Variants in CDKN2A observed in about 807,000 individuals in gnomAD.
CDKN2A encodes cyclin dependent kinase inhibitor 2A.
A neutral mutation model predicts 11.1 loss-of-function variants in CDKN2A; 3 were observed. That is an observed-to-expected ratio of 0.27 (90% CI 0.12 to 0.70). The LOEUF (loss-of-function observed/expected upper bound fraction) is 0.70. Ranked by LOEUF, CDKN2A falls within the 30% of genes least tolerant of loss-of-function variation. CDKN2A has a pLI of 0.77. For synonymous variants in CDKN2A, 122 were observed against 108.1 expected (o/e 1.13, Z -0.80); for missense variants, 265 against 233.6 (o/e 1.13, Z -0.88).
In CDKN2A at chr9:21,971,148, TG is replaced by T; in HGVS notation, c.210del (p.Asn71ThrfsTer75). 1 of 1,594,218 alleles carries T rather than the reference TG, an allele frequency of 6.3e-7. No homozygotes were observed. The highest frequency in any genetic ancestry group is 8.5e-7 in the Non-Finnish European group (1 of 1,176,654). ...AELLLLHGAE[P>X]NCADPATLTR... ...GTGAGAGTGGCGGGGTCGGCGCAGT[TG>T]GGCTCCGCGCCGTGGAGCAGCAGCA... is the stretch of plus-strand genomic sequence containing the variant. On this transcript the variant is annotated frameshift_variant, in exon 2 of 3. Transcript: ENST00000304494. LOFTEE classifies it high-confidence loss of function.
rs527378217 is a variant in CDKN2A at position 21,991,220 on chromosome 9, G to C, written c.-4+2662C>G. Among the ~76,000 whole-genome samples the C allele has an allele frequency of 3.9e-5, 6 of 152,226 alleles. No homozygotes were observed. Among genetic ancestry groups the C allele is most frequent in the Admixed American group, 3.9e-4 (6 of 15,294 alleles). On this transcript the variant is annotated intron_variant, in intron 2 of 3. Transcript: ENST00000494262. The surrounding 1 kb of genome is among the most constrained non-coding windows in gnomAD (Gnocchi z 5.2). ...GCAAGCTTGTCCAACCTGTGGGCCC[G>C]AGGGTCACATGCAGCCCAGGATGGT...
At chr9:21,986,148 C>T (rs1264913780) in intron 2 of CDKN2A, among the ~76,000 whole-genome samples, 1 of 151,970 alleles carries the variant, frequency 6.6e-6, no homozygotes, top group Non-Finnish European at 1.5e-5. Context: ...ACCATGACAG[C>T]TAATAAGCAA....
chr9:21,975,187 C>G (rs904012710), upstream of CDKN2A: 11 of 1,128,514 alleles, frequency 9.7e-6, no homozygotes, highest in African/African-American at 1.6e-5. Flanking sequence ...ACCTGCCCCC[C>G]ACACCGCCCT....
At chr9:21,994,503 C>A (rs530908133) in intron 1 of CDKN2A, 9 of 1,418,200 alleles carry the variant, frequency 6.3e-6, no homozygotes, top group Non-Finnish European at 7.4e-6. Flanking sequence ...GCCCGCCCCC[C>A]ACCTTCACCC....
At chr9:21,970,779 T>C in intron 2 of CDKN2A, 123 bp downstream of exon 2, 1 of 1,233,070 alleles carries the variant, frequency 8.1e-7, no homozygotes, top group Non-Finnish European at 1.2e-6. Flanking sequence ...TCCCACCGAT[T>C]GGCGCGTGAG....
chr9:21,968,545 G>A lies in CDKN2A; in HGVS notation c.458-303C>T, dbSNP rs577859730. 4 of 1,454,034 alleles carry A rather than the reference G, an allele frequency of 2.8e-6. No individual in the cohort carries two copies. The East Asian group carries it at 9.9e-5, about 36-fold the overall frequency. The allele number at this position is 1,454,034 out of a possible 1,614,324, so 90.1% of individuals were successfully genotyped here. A position where few individuals can be genotyped will look rare whatever the true frequency, so the allele number is the denominator to read the frequency against. ...GCAGGGTTGCAAGAAGAAAACGAGT[G>A]TTATATAATGAGTCTCAGTGGTTGC... On this transcript the variant is annotated intron_variant, in intron 2 of 2. Coordinates refer to ENST00000304494, the MANE Select transcript of CDKN2A (RefSeq NM_000077.5). This position sits in a 1 kb window ranked among gnomAD's most constrained non-coding sequence, Gnocchi z 4.7.
In CDKN2A at chr9:21,971,227, T is replaced by C; in HGVS notation, c.151-19A>G. The C allele has an allele frequency of 6.3e-7, 1 of 1,594,124 alleles. No individual in the cohort carries two copies. The highest frequency in any genetic ancestry group is 8.5e-7 in the Non-Finnish European group (1 of 1,177,752). On this transcript the variant is annotated intron_variant, in intron 1 of 2. Coordinates refer to ENST00000304494, the MANE Select transcript of CDKN2A (RefSeq NM_000077.5). ...TCATGACCTGCCAGAGAGAACAGAA[T>C]GGTCAGAGCCAGGGTGGGGGCCGGC...
In CDKN2A at chr9:21,991,946, T is replaced by C. The variant is rs1587355510; in HGVS notation, c.-4+1936A>G. 7 of 983,002 alleles carry C rather than the reference T, an allele frequency of 7.1e-6. No individual in the cohort carries two copies. The highest frequency in any genetic ancestry group is 8.5e-6 in the Non-Finnish European group (7 of 827,706). 60.9% of individuals were successfully genotyped at this position (983,002 alleles called of 1,614,324 possible). The stretch of plus-strand genomic sequence containing the variant: ...TAACCTGAGCCTTCTGAAGTAGCTA[T>C]AAACAAATGAATATTTAACTTCATA... On this transcript the variant is annotated intron_variant, in intron 2 of 3. Coordinates refer to the CDKN2A transcript ENST00000494262. This position sits in a 1 kb window ranked among gnomAD's most constrained non-coding sequence, Gnocchi z 5.2.
intron 2 of CDKN2A, chr9:21,970,579 G>T: frequency 3.5e-6 from 2 of 568,492 alleles, no homozygotes; most frequent in African/African-American, 1.9e-5. Flanking sequence ...GGGGGCACTA[G>T]ACCTCTAGCC....
chr9:21,992,145 G>T (rs1404943314), intron 2 of CDKN2A: 16 of 827,728 alleles, frequency 1.9e-5, no homozygotes, highest in Non-Finnish European at 2.3e-5. Context: ...CTTAAAAAAA[G>T]TTAAAATAAC....
Position 21,967,822 on chromosome 9 carries a change from C to T in CDKN2A, c.*407G>A, listed in dbSNP as rs981354578. ...TCTGCCATTTGCTAGCAGTGTGACT[C>T]AAGAGAAGCCAGTAACCCCCCTGAG... On this transcript the variant is annotated 3_prime_UTR_variant, in exon 3 of 3. Coordinates refer to ENST00000304494, the MANE Select transcript of CDKN2A (RefSeq NM_000077.5). 4 of 315,460 alleles carry T rather than the reference C, an allele frequency of 1.3e-5. No homozygotes were observed. Among genetic ancestry groups the T allele is most frequent in the Non-Finnish European group, 2.4e-5 (4 of 168,846 alleles). 19.5% of individuals were successfully genotyped at this position (315,460 alleles called of 1,614,324 possible).
upstream of CDKN2A, chr9:21,975,093 G>T (rs908505836): frequency 1.5e-6 from 2 of 1,294,780 alleles, no homozygotes; most frequent in African/African-American, 1.6e-5. Context: ...GTCGCCCCAG[G>T]TTGGGTCTCC....
intron 2 of CDKN2A, among the ~76,000 whole-genome samples, chr9:21,990,185 C>T (rs1293841560): frequency 6.6e-6 from 1 of 152,012 alleles, no homozygotes; most frequent in Non-Finnish European, 1.5e-5. Flanking sequence ...GAGAAGAGAT[C>T]CCAAGAAGGG....
rs1028894184 is a variant in CDKN2A at position 21,995,117 on chromosome 9, C to T, written c.-472G>A. 8 of 152,188 alleles carry T rather than the reference C, an allele frequency of 5.3e-5. No individual in the cohort carries two copies. Among genetic ancestry groups the T allele is most frequent in the Admixed American group, 4.6e-4 (7 of 15,294 alleles). 9.4% of individuals were successfully genotyped at this position (152,188 alleles called of 1,614,324 possible). A position where few individuals can be genotyped will look rare whatever the true frequency, so the allele number is the denominator to read the frequency against. On this transcript the variant is annotated 5_prime_UTR_variant, in exon 1 of 4. Transcript: ENST00000494262. The surrounding 1 kb of genome is among the most constrained non-coding windows in gnomAD (Gnocchi z 5.7). ...GACGCGACATCTGGACACGGCGCGG[C>T]GCTGGCGCTGCCGGAGCTGTCGACC...
At chr9:21,974,888 T>C (rs996224928), upstream of CDKN2A, 31 of 1,466,610 alleles carry the variant, frequency 2.1e-5, no homozygotes, top group Admixed American at 2.6e-5. This position sits in a 1 kb window ranked among gnomAD's most constrained non-coding sequence, Gnocchi z 5.2. Flanking sequence ...GCGCACGCGG[T>C]CCGCCCCACC....
In CDKN2A at chr9:21,971,215, G is replaced by C. The variant is rs1482685317; in HGVS notation, c.151-7C>G. On this transcript the variant is annotated splice_region_variant and splice_polypyrimidine_tract_variant and intron_variant, in intron 1 of 2. Transcript: ENST00000304494. Reference sequence around the variant, plus strand: ...CGCTGCCCATCATCATGACCTGCCAGAGAGAACAGAATGGTCAGAGCCAGG... The same window carrying C: ...CGCTGCCCATCATCATGACCTGCCACAGAGAACAGAATGGTCAGAGCCAGG... The C allele has an allele frequency of 3.8e-6, 6 of 1,596,718 alleles. No individual in the cohort carries two copies. The highest frequency in any genetic ancestry group is 5.1e-6 in the Non-Finnish European group (6 of 1,178,850).
At chr9:21,983,917 T>C (rs1287234858) in intron 2 of CDKN2A, among the ~76,000 whole-genome samples, 2 of 152,016 alleles carry the variant, frequency 1.3e-5, no homozygotes, top group African/African-American at 4.8e-5. Flanking sequence ...ATAAGTTATG[T>C]AAACTTTCTG....
Position 21,986,999 on chromosome 9 carries a change from C to T in CDKN2A, c.-4+6883G>A, listed in dbSNP as rs562397757. ...ATGAGAGCAAGAAAATGGTGGCACT[C>T]GAGAAAAGAAAGCAAAACAAGCTTT... On this transcript the variant is annotated intron_variant, in intron 2 of 3. Transcript: ENST00000494262. 9.2e-5 allele frequency among the ~76,000 whole-genome samples: 14 copies of T among 151,788 alleles called. No individual in the cohort carries two copies. In the South Asian group the frequency reaches 2.7e-3, roughly 29 times the overall value.
rs371468381 is a variant in CDKN2A at position 21,981,119 on chromosome 9, T to C, written c.-3-9911A>G. ...ATATATATACGTGTATATATATATA[T>C]ACGTGTATATATATATATACGTGTA... On this transcript the variant is annotated intron_variant, in intron 2 of 3. Coordinates refer to the CDKN2A transcript ENST00000494262. Among the ~76,000 whole-genome samples, 8 of 14,456 alleles carry C rather than the reference T, an allele frequency of 5.5e-4. 3 individuals are homozygous for C. Among genetic ancestry groups the C allele is most frequent in the African/African-American group, 1.7e-3 (8 of 4,640 alleles). The allele number at this position is 14,456 out of a possible 152,430, so 9.5% of individuals were successfully genotyped here.
Sources: gnomAD v4.1 joint callset for allele counts (sites outside exome capture counted in the v4.1 genomes callset) on GRCh38, gnomAD v4.1.1 for gene constraint, Gnocchi (gnomAD v3.1) non-coding constraint, MANE v1.5 for transcripts, NCBI Gene and HGNC (gene_info 2026-07-23, HGNC 2026-07-21) for gene names.